The following RBM5 variants were observed in gnomAD, a reference collection of about 807,000 sequenced individuals.
The protein encoded by RBM5 is RNA binding motif protein 5.
A neutral mutation model predicts 124.6 loss-of-function variants in RBM5; 15 were observed. The observed-to-expected ratio is 0.12, with a 90% CI of 0.08 to 0.19. The LOEUF is 0.19. Ranked by LOEUF, RBM5 falls within the 10% of genes least tolerant of loss-of-function variation. The probability of loss-of-function intolerance (pLI) is 1.00; values close to 1 mark genes in which losing one functional copy is unlikely to be tolerated. For missense variants in RBM5, 580 were observed against 1,026.5 expected (o/e 0.57, Z 5.94); for synonymous variants, 337 against 361.2 (o/e 0.93, Z 0.76).
At chr3:50,094,841 C>T (rs1242672219) in intron 4 of RBM5, among the ~76,000 whole-genome samples, 1 of 152,182 alleles carries the variant, frequency 6.6e-6, no homozygotes. Context: ...CTGTATCTAT[C>T]TCAGCTAGTG....
At chr3:50,112,414 TAAAAAAAAAAA>T (rs58011975) in intron 17 of RBM5, among the ~76,000 whole-genome samples, 107 of 88,220 alleles carry the variant, frequency 1.2e-3, no homozygotes, top group South Asian at 2.2e-3. Flanking sequence ...AGACTCTGTC[TAAAAAAAAAAA>T]AAAAAAAAAA....
intron 1 of RBM5, among the ~76,000 whole-genome samples, chr3:50,089,716 C>A (rs908484696): frequency 2.0e-5 from 3 of 152,070 alleles, no homozygotes; most frequent in Non-Finnish European, 4.4e-5. Flanking sequence ...ACCTCGCGCT[C>A]ATCGAACGCG....
chr3:50,104,873 T>C, intron 8 of RBM5: 2 of 506,992 alleles, frequency 3.9e-6, no homozygotes, highest in Non-Finnish European at 7.1e-6. Flanking sequence ...TGCAGGGTAG[T>C]GTCAGTCCCA....
intron 1 of RBM5, chr3:50,090,084 G>T: frequency 3.8e-5 from 8 of 212,644 alleles, no homozygotes; most frequent in Non-Finnish European, 5.8e-5. Flanking sequence ...TTTTTGCTTT[G>T]TAATTCTAAG....
chr3:50,106,118 A>ATTTTTTTTTTTTTTT (rs61297967), intron 10 of RBM5, among the ~76,000 whole-genome samples: 5 of 32,754 alleles, frequency 1.5e-4, no homozygotes, highest in African/African-American at 2.8e-4. Context: ...ACGCCCAGCT[A>ATTTTTTTTTTTTTTT]TTTTTTTTTT....
Position 50,106,612 on chromosome 3 carries a change from A to G in RBM5, c.856-155A>G, listed in dbSNP as rs974712849. The G allele has an allele frequency of 4.9e-6, 3 of 606,516 alleles. No homozygotes were observed. In the Admixed American group the frequency reaches 8.9e-5, roughly 18 times the overall value. 37.6% of individuals were successfully genotyped at this position (606,516 alleles called of 1,614,324 possible). A position where few individuals can be genotyped will look rare whatever the true frequency, so the allele number is the denominator to read the frequency against. ...AACCTTCACATCTTAGAGGAAAGAG[A>G]GATATTCCTTTCTTGAGGTTTCATA... is the stretch of plus-strand genomic sequence containing the variant. On this transcript the variant is annotated intron_variant, in intron 10 of 24. Transcript: ENST00000347869.
rs541522597 is a variant in RBM5, at chr3:50,099,431, C to T, written c.340-551C>T. Among the ~76,000 whole-genome samples, 10 of 152,004 alleles carry T rather than the reference C, an allele frequency of 6.6e-5. No homozygotes were observed. The South Asian group carries it at 1.5e-3, about 22-fold the overall frequency. ...AAGATAAAAACTTGGCTAATTAGGCCAGGCATGGTGGGTCATGCATGTAAT... is the reference window on the plus strand; with the variant it reads ...AAGATAAAAACTTGGCTAATTAGGCTAGGCATGGTGGGTCATGCATGTAAT... On this transcript the variant is annotated intron_variant, in intron 4 of 24. Transcript: ENST00000347869.
chr3:50,099,955 CTG>C, intron 4 of RBM5, 25 bp from the exon 5 acceptor site: 1 of 1,602,154 alleles, frequency 6.2e-7, no homozygotes, highest in East Asian at 2.2e-5. Context: ...AAAGCTTTAA[CTG>C]TAAATAATGT....
chr3:50,113,689 A>C, intron 18 of RBM5, 145 bp downstream of exon 18: 1 of 1,066,954 alleles, frequency 9.4e-7, no homozygotes, highest in Non-Finnish European at 1.3e-6. Context: ...AGCATTTTGC[A>C]ATTTGTTATT....
chr3:50,110,923 G>T, intron 17 of RBM5, 153 bp downstream of exon 17: 2 of 621,102 alleles, frequency 3.2e-6, no homozygotes, highest in Non-Finnish European at 5.4e-6. Context: ...TTTATATGGA[G>T]ATTGTAAGTT....
chr3:50,094,047 T>C (rs1420131373), intron 4 of RBM5, 172 bp downstream of exon 4: 1 of 582,772 alleles, frequency 1.7e-6, no homozygotes, highest in Admixed American at 3.1e-5. Flanking sequence ...ATATTTGCAT[T>C]TACATAAGTT....
intron 14 of RBM5, among the ~76,000 whole-genome samples, chr3:50,109,015 C>G (rs905734364): frequency 2.6e-5 from 4 of 152,172 alleles, no homozygotes; most frequent in African/African-American, 9.7e-5. Context: ...TTTAAAAAGC[C>G]TTGTGAGTTA....
Position 50,110,450 on chromosome 3 carries a change from T to C in RBM5, c.1350T>C (p.Pro450=). 3 of 1,614,038 alleles carry C rather than the reference T, an allele frequency of 1.9e-6. No homozygotes were observed. The highest frequency in any genetic ancestry group is 2.5e-6 in the Non-Finnish European group (3 of 1,179,900). Residue 450 remains proline (P), a synonymous_variant, in exon 16 of 25, where the codon CCT becomes CCC. Transcript: ENST00000347869. ...APAASPTGVV[P]GTKYAVPDTS... is the part of the protein sequence containing the mutation. ...CCGCTTCCCCTACTGGTGTAGTTCC[T>C]GGTACCAAATATGGTAAGCCAAACC...
rs906653971 is a variant in RBM5, at chr3:50,116,787, C to T, written c.2095-287C>T. On this transcript the variant is annotated intron_variant, in intron 22 of 24. Transcript: ENST00000347869. ...CTCTTCGCAAGCTGTACCCACTGCC[C>T]AGTGGGCTGGTTGAGTAGCTTGACA... 1.2e-4 allele frequency: 48 copies of T among 409,224 alleles called. 1 individual carries two copies. 25.3% of individuals were successfully genotyped at this position (409,224 alleles called of 1,614,324 possible).
intron 14 of RBM5, among the ~76,000 whole-genome samples, chr3:50,108,759 C>G (rs1238535080): frequency 6.6e-6 from 1 of 152,046 alleles, no homozygotes; most frequent in African/African-American, 2.4e-5. Flanking sequence ...TCATCATGTA[C>G]CCAAGGTTCT....
At chr3:50,113,184 C>G (rs1314579831) in intron 17 of RBM5, 199 bp from the exon 18 acceptor site, 2 of 451,118 alleles carry the variant, frequency 4.4e-6, no homozygotes, top group Non-Finnish European at 7.9e-6. Flanking sequence ...AAATCATATT[C>G]TATTTTTACT....
At chr3:50,089,735 G>C (rs1219170546) in intron 1 of RBM5, 3 of 152,526 alleles carry the variant, frequency 2.0e-5, no homozygotes, top group African/African-American at 7.2e-5. Context: ...CGGTCCAGCA[G>C]TGTGATGTCT....
At chr3:50,096,851 C>G (rs2090827713) in intron 4 of RBM5, among the ~76,000 whole-genome samples, 2 of 151,776 alleles carry the variant, frequency 1.3e-5, no homozygotes, top group South Asian at 4.2e-4. Flanking sequence ...AATCAATCCT[C>G]CCGCCTGGGT....
At chr3:50,106,093 C>G (rs1450068124) in intron 10 of RBM5, among the ~76,000 whole-genome samples, 1 of 133,758 alleles carries the variant, frequency 7.5e-6, no homozygotes, top group East Asian at 2.3e-4. Flanking sequence ...GCTGGGATTA[C>G]AGGTGCCCGC....
Sources: allele counts gnomAD v4.1 joint callset (sites outside exome capture counted in the v4.1 genomes callset), GRCh38; gene constraint gnomAD v4.1.1; transcripts MANE v1.5; gene names NCBI Gene and HGNC (gene_info 2026-07-23, HGNC 2026-07-21).